PCDHGA5: variants seen among roughly 807,000 people sequenced by gnomAD.
PCDHGA5 encodes protocadherin gamma subfamily A, 5.
A neutral mutation model predicts 56.7 loss-of-function variants in PCDHGA5; 36 were observed. The observed-to-expected ratio is 0.64, with a 90% CI of 0.49 to 0.84. The LOEUF (loss-of-function observed/expected upper bound fraction) is 0.84. PCDHGA5 is among the 40% of genes least tolerant of loss of function. PCDHGA5 has a pLI of 0.00. For synonymous variants in PCDHGA5, 563 were observed against 520.2 expected (o/e 1.08, Z -1.12); for missense variants, 1,305 against 1,201.5 (o/e 1.09, Z -1.27).
At chr5:141,461,007 A>G (rs965754689) in intron 1 of PCDHGA5, among the ~76,000 whole-genome samples, 1 of 151,418 alleles carries the variant, frequency 6.6e-6, no homozygotes, top group Non-Finnish European at 1.5e-5. Flanking sequence ...GTGTATATAT[A>G]TATACCACAT....
chr5:141,387,830 TTA>T (rs2091113162), intron 1 of PCDHGA5: 1 of 1,590,004 alleles, frequency 6.3e-7, no homozygotes, highest in African/African-American at 1.3e-5. Context: ...AATACAGAGG[TTA>T]TTTGTAACCC....
chr5:141,476,756 C>T lies in PCDHGA5; in HGVS notation c.2422-18051C>T. On this transcript the variant is annotated intron_variant, in intron 1 of 3. Transcript: ENST00000518069. The surrounding 1 kb of genome is among the most constrained non-coding windows in gnomAD (Gnocchi z 7.6). ...ACGGGAGCCTAGTCTCCAGTTAGTGCTGACGGCGTTGGACGGAGGGACCCC... is the reference window on the plus strand; with the variant it reads ...ACGGGAGCCTAGTCTCCAGTTAGTGTTGACGGCGTTGGACGGAGGGACCCC... 3 of 1,613,928 alleles carry T rather than the reference C, an allele frequency of 1.9e-6. No homozygotes were observed. Among genetic ancestry groups the T allele is most frequent in the Non-Finnish European group, 2.5e-6 (3 of 1,180,010 alleles).
chr5:141,393,264 C>T, intron 1 of PCDHGA5: 1 of 1,613,916 alleles, frequency 6.2e-7, no homozygotes, highest in Non-Finnish European at 8.5e-7. Flanking sequence ...TCCTGGAGCA[C>T]GTTATCCACT....
chr5:141,420,492 TC>T (rs1172385190), intron 1 of PCDHGA5: 8 of 508,012 alleles, frequency 1.6e-5, no homozygotes, highest in Non-Finnish European at 1.8e-5. Flanking sequence ...ATGGGTAATC[TC>T]CGGTGACATT....
At position 141,431,020 on chromosome 5, in the gene PCDHGA5, G is replaced by T. The variant is rs941765907; in HGVS notation, c.2422-63787G>T. ...CGCGCAGCGGCAGCTTGGTCACGGCGGGCAGGATAGACCGGGAGGAGCTCT... is the reference window on the plus strand; with the variant it reads ...CGCGCAGCGGCAGCTTGGTCACGGCTGGCAGGATAGACCGGGAGGAGCTCT... On this transcript the variant is annotated intron_variant, in intron 1 of 3. Coordinates refer to ENST00000518069, the MANE Select transcript of PCDHGA5 (RefSeq NM_018918.3). This position sits in a 1 kb window ranked among gnomAD's most constrained non-coding sequence, Gnocchi z 4.8. 2.5e-6 allele frequency: 4 copies of T among 1,614,050 alleles called. No homozygotes were observed. The East Asian group carries it at 8.9e-5, about 36-fold the overall frequency.
At chr5:141,464,343 A>T (rs944042669) in intron 1 of PCDHGA5, among the ~76,000 whole-genome samples, 1 of 151,308 alleles carries the variant, frequency 6.6e-6, no homozygotes, top group South Asian at 2.1e-4. Flanking sequence ...ATGACTTGTC[A>T]TTTAGGTAGT....
At chr5:141,504,991 G>A (rs896449285) in intron 2 of PCDHGA5, among the ~76,000 whole-genome samples, 44 of 152,034 alleles carry the variant, frequency 2.9e-4, no homozygotes, top group Admixed American at 2.6e-3. Context: ...GTGAAACCCC[G>A]TCTGTACTAA....
intron 1 of PCDHGA5, chr5:141,411,549 A>G (rs1169343676): frequency 6.6e-6 from 1 of 152,210 alleles, no homozygotes; most frequent in African/African-American, 2.4e-5. Flanking sequence ...TTGCCACTGC[A>G]CTCCAGCCTG....
At chr5:141,421,762 T>G (rs1272315856) in intron 1 of PCDHGA5, 2 of 1,613,884 alleles carry the variant, frequency 1.2e-6, no homozygotes, top group Non-Finnish European at 8.5e-7. Context: ...TAATAATTAC[T>G]TTTCCTTGCA....
chr5:141,491,895 A>C lies in PCDHGA5; in HGVS notation c.2422-2912A>C. 1.4e-6 allele frequency: 2 copies of C among 1,434,306 alleles called. No individual in the cohort carries two copies. The highest frequency in any genetic ancestry group is 1.8e-6 in the Non-Finnish European group (2 of 1,084,904). 88.8% of individuals were successfully genotyped at this position (1,434,306 alleles called of 1,614,324 possible). Reference sequence around the variant, plus strand: ...CCGATTAAGGGATGGGGCTCCGAGCACCGGGGGTGGTGGCGACTGTGGGCG... The same window carrying C: ...CCGATTAAGGGATGGGGCTCCGAGCCCCGGGGGTGGTGGCGACTGTGGGCG... On this transcript the variant is annotated intron_variant, in intron 1 of 3. Transcript: ENST00000518069. The surrounding 1 kb of genome is among the most constrained non-coding windows in gnomAD (Gnocchi z 6.9).
chr5:141,468,648 C>G (rs60206946), intron 1 of PCDHGA5: 27,626 of 151,800 alleles, frequency 0.18, 2,687 homozygotes, highest in Admixed American at 0.28. Flanking sequence ...GGGCGGATCA[C>G]AAGGTCAGGA....
intron 1 of PCDHGA5, chr5:141,404,970 C>G: frequency 6.2e-7 from 1 of 1,614,058 alleles, no homozygotes; most frequent in East Asian, 2.2e-5. Context: ...GACATCCTGG[C>G]TGACCTGGGC....
rs754577584 is a variant in PCDHGA5, at chr5:141,384,611, G to A, written c.2421+17860G>A. The A allele has an allele frequency of 4.3e-6, 7 of 1,614,098 alleles. No individual in the cohort carries two copies. The highest frequency in any genetic ancestry group is 5.9e-6 in the Non-Finnish European group (7 of 1,180,050). On this transcript the variant is annotated intron_variant, in intron 1 of 3. Coordinates refer to ENST00000518069, the MANE Select transcript of PCDHGA5 (RefSeq NM_018918.3). ...CTGTACCCGGCCCTCCCCACAGATG[G>A]TTCTACTGGCATGGAGCTGGCACCC...
At chr5:141,410,445 T>A in intron 1 of PCDHGA5, 1 of 1,614,060 alleles carries the variant, frequency 6.2e-7, no homozygotes. Flanking sequence ...GAGGGGACTT[T>A]GCCTTATTCT....
rs781229038 is a variant in PCDHGA5, at chr5:141,489,990, A to C, written c.2422-4817A>C. 1.2e-4 allele frequency: 194 copies of C among 1,614,138 alleles called. No individual in the cohort carries two copies. Among genetic ancestry groups the C allele is most frequent in the Non-Finnish European group, 1.6e-4 (188 of 1,180,038 alleles). Reference sequence around the variant, plus strand: ...TCCAATCCTCAGTTCTACGTGTGGGAATCCCAGAGAATGCACCCATTGGTA... The same window carrying C: ...TCCAATCCTCAGTTCTACGTGTGGGCATCCCAGAGAATGCACCCATTGGTA... On this transcript the variant is annotated intron_variant, in intron 1 of 3. Transcript: ENST00000518069. The surrounding 1 kb of genome is among the most constrained non-coding windows in gnomAD (Gnocchi z 4.5).
chr5:141,383,406 T>G lies in PCDHGA5; in HGVS notation c.2421+16655T>G, dbSNP rs780989648. 25 of 1,613,866 alleles carry G rather than the reference T, an allele frequency of 1.5e-5. No individual in the cohort carries two copies. In the African/African-American group the frequency reaches 3.2e-4, roughly 21 times the overall value. ...ATGTGGGCACGAACTCCCTCCAGAG[T>G]TACCAGCTCAGCCCCAATCGCCACT... On this transcript the variant is annotated intron_variant, in intron 1 of 3. Coordinates refer to ENST00000518069, the MANE Select transcript of PCDHGA5 (RefSeq NM_018918.3).
intron 1 of PCDHGA5, chr5:141,374,057 C>T (rs768326017): frequency 6.7e-7 from 1 of 1,486,570 alleles, no homozygotes; most frequent in Admixed American, 2.5e-5. Flanking sequence ...TCTTCTTAAT[C>T]CCAGAGAAGT....
chr5:141,422,331 T>C (rs768333038), intron 1 of PCDHGA5: 1 of 1,548,508 alleles, frequency 6.5e-7, no homozygotes, highest in South Asian at 1.3e-5. Context: ...CAGTGATTGC[T>C]CTTCTAAATG....
chr5:141,370,999 G>T, intron 1 of PCDHGA5: 3 of 1,614,020 alleles, frequency 1.9e-6, no homozygotes, highest in Non-Finnish European at 2.5e-6. Flanking sequence ...CCCCTGGACA[G>T]GGAAGAGCAG....
Sources: gnomAD v4.1 joint callset for allele counts (sites outside exome capture counted in the v4.1 genomes callset) on GRCh38, gnomAD v4.1.1 for gene constraint, Gnocchi (gnomAD v3.1) non-coding constraint, MANE v1.5 for transcripts, NCBI Gene and HGNC (gene_info 2026-07-23, HGNC 2026-07-21) for gene names.